The following LRRD1 variants were observed in gnomAD, a reference collection of about 807,000 sequenced individuals.
The protein encoded by LRRD1 is leucine-rich repeat and death domain-containing protein 1.
Under a neutral mutation model 69.5 loss-of-function variants are expected in LRRD1, and 49 were observed. The observed-to-expected ratio is 0.70, with a 90% CI of 0.56 to 0.89. LRRD1 has a LOEUF of 0.89. Ranked by LOEUF, LRRD1 falls within the 40% of genes least tolerant of loss-of-function variation. LRRD1 has a pLI of 0.00. For synonymous variants in LRRD1, 303 were observed against 338.9 expected (o/e 0.89, Z 1.16); for missense variants, 853 against 956.0 (o/e 0.89, Z 1.42).
chr7:92,170,805 C>A (rs1789041656), intron 1 of LRRD1, among the ~76,000 whole-genome samples: 1 of 152,126 alleles, frequency 6.6e-6, no homozygotes, highest in Admixed American at 6.5e-5. Context: ...GGACACAAAA[C>A]TGGTCTCAAC....
chr7:92,142,964 C>T (rs911577609), downstream of LRRD1: 1 of 257,810 alleles, frequency 3.9e-6, no homozygotes, highest in South Asian at 3.9e-5. Context: ...CCACTGCTGG[C>T]TCAGGCAGCC....
chr7:92,166,008 A>G (rs559984495), intron 1 of LRRD1, among the ~76,000 whole-genome samples: 17 of 152,268 alleles, frequency 1.1e-4, no homozygotes, highest in African/African-American at 3.6e-4. Flanking sequence ...CATTATGACA[A>G]TTTTCCTGGG....
intron 3 of LRRD1, among the ~76,000 whole-genome samples, chr7:92,155,460 T>C (rs1484746514): frequency 6.6e-6 from 1 of 152,102 alleles, no homozygotes; most frequent in Admixed American, 6.6e-5. Context: ...AGTAAAACCA[T>C]GGAAGTGAAA....
At chr7:92,156,276 G>A (rs994271641) in intron 3 of LRRD1, among the ~76,000 whole-genome samples, 1 of 152,120 alleles carries the variant, frequency 6.6e-6, no homozygotes, top group South Asian at 2.1e-4. Flanking sequence ...CTTCAAAATT[G>A]TTTCAGCTAT....
chr7:92,147,951 CTG>C (rs1349818153), intron 4 of LRRD1, among the ~76,000 whole-genome samples: 7 of 152,242 alleles, frequency 4.6e-5, no homozygotes, highest in African/African-American at 1.7e-4. Context: ...GAGTCTGGCT[CTG>C]TCACCCAGGC....
intron 2 of LRRD1, among the ~76,000 whole-genome samples, chr7:92,162,095 G>T (rs1164728807): frequency 6.6e-6 from 1 of 152,194 alleles, no homozygotes; most frequent in African/African-American, 2.4e-5. Context: ...AAAATTGTCT[G>T]TTAGTGCAAA....
intron 1 of LRRD1, among the ~76,000 whole-genome samples, chr7:92,177,269 T>C (rs1789218320): frequency 6.6e-6 from 1 of 152,066 alleles, no homozygotes; most frequent in Non-Finnish European, 1.5e-5. Flanking sequence ...GTTTCAAGGT[T>C]ATACTACCAT....
chr7:92,149,721 T>A (rs1382003371), intron 4 of LRRD1, among the ~76,000 whole-genome samples: 1 of 152,158 alleles, frequency 6.6e-6, no homozygotes. Context: ...ATTTATTTAT[T>A]TATCTTTAAA....
Position 92,163,429 on chromosome 7 carries a change from G to A in LRRD1, c.1774C>T (p.Gln592Ter), listed in dbSNP as rs1788830391. The change falls in exon 2 of 6, where the codon CAG becomes TAG. Residue 592 changes from glutamine (Q) to a stop codon, truncating the protein, a stop_gained. Coordinates refer to ENST00000458448, the MANE Select transcript of LRRD1 (RefSeq NM_001161528.2). LOFTEE classifies it high-confidence loss of function. ...TTACAGATGTCTGAAGAGATTTTCT[G>A]TAATTGGTTTTCCGAAAGATCAAGT... ...QVLDLSENQL[Q>*]KISSDICNLK... 6.5e-7 allele frequency: 1 copy of A among 1,546,224 alleles called. No homozygotes were observed.
At position 92,161,659 on chromosome 7, in the gene LRRD1, G is replaced by A. The variant is rs143447073; in HGVS notation, c.1917+1627C>T. Among the ~76,000 whole-genome samples, 291 of 152,310 alleles carry A rather than the reference G, an allele frequency of 1.9e-3. 3 individuals are homozygous for A. The highest frequency in any genetic ancestry group is 6.4e-3 in the African/African-American group (268 of 41,570). On this transcript the variant is annotated intron_variant, in intron 2 of 5. Coordinates refer to ENST00000458448, the MANE Select transcript of LRRD1 (RefSeq NM_001161528.2). ...AAATAATACAATTTTGGTGTAAGAT[G>A]AGGTATAACTGATGATGGAAAAGGA...
Position 92,165,239 on chromosome 7 carries a change from G to T in LRRD1, c.-37C>A. The T allele has an allele frequency of 1.7e-6, 2 of 1,197,758 alleles. No individual in the cohort carries two copies. The highest frequency in any genetic ancestry group is 2.2e-6 in the Non-Finnish European group (2 of 913,614). 74.2% of individuals were successfully genotyped at this position (1,197,758 alleles called of 1,614,324 possible). The stretch of plus-strand genomic sequence containing the variant: ...ATATGTTTTATGCCAATACAAAATT[G>T]TAACTTGATTTTAATTTTCATGTTT... On this transcript the variant is annotated 5_prime_UTR_variant, in exon 2 of 6. Transcript: ENST00000458448.
intron 3 of LRRD1, among the ~76,000 whole-genome samples, chr7:92,157,672 C>T (rs1448107527): frequency 2.0e-5 from 3 of 151,888 alleles, no homozygotes; most frequent in Non-Finnish European, 2.9e-5. Context: ...TGGGTCTAAG[C>T]GATTCTCCTG....
At chr7:92,145,539 A>G (rs970611675) in intron 5 of LRRD1, among the ~76,000 whole-genome samples, 1 of 146,906 alleles carries the variant, frequency 6.8e-6, no homozygotes, top group Admixed American at 7.1e-5. Flanking sequence ...TCCCGGGTTC[A>G]CGCCATTCTC....
chr7:92,167,862 G>GCGAGACTC (rs1788945856), intron 1 of LRRD1, among the ~76,000 whole-genome samples: 1 of 95,012 alleles, frequency 1.1e-5, no homozygotes, highest in East Asian at 3.0e-4. Flanking sequence ...GGGCAACACA[G>GCGAGACTC]CGAGACTCTG....
At position 92,146,133 on chromosome 7, in the gene LRRD1, T is replaced by C. The variant is rs916319341; in HGVS notation, c.2346A>G (p.Leu782=). Residue 782 remains leucine, a synonymous_variant, in exon 5 of 6, where the codon TTA becomes TTG. Transcript: ENST00000458448. Reference sequence around the variant, plus strand: ...AGTTTGCCAGGTTTAGTTTTTGACATAAAAATTCAAAATTGGTTTCAGTGA... The same window carrying C: ...AGTTTGCCAGGTTTAGTTTTTGACACAAAAATTCAAAATTGGTTTCAGTGA... ...NNITETNFEF[L]CQKLNLANSE... 6 of 1,543,298 alleles carry C rather than the reference T, an allele frequency of 3.9e-6. No individual in the cohort carries two copies. Among genetic ancestry groups the C allele is most frequent in the Middle Eastern group, 1.7e-4 (1 of 5,954 alleles).
intron 1 of LRRD1, among the ~76,000 whole-genome samples, chr7:92,174,507 A>T (rs1200868631): frequency 0.056 from 927 of 16,476 alleles, 39 homozygotes; most frequent in African/African-American, 0.12. Flanking sequence ...ATATATATAT[A>T]TATTTTTTTT....
At chr7:92,151,864 G>C (rs977243521) in intron 3 of LRRD1, among the ~76,000 whole-genome samples, 1 of 151,362 alleles carries the variant, frequency 6.6e-6, no homozygotes, top group Non-Finnish European at 1.5e-5. Context: ...CAGGAGAATT[G>C]CATGAACCCG....
At chr7:92,171,225 A>T (rs1789050672) in intron 1 of LRRD1, among the ~76,000 whole-genome samples, 1 of 152,108 alleles carries the variant, frequency 6.6e-6, no homozygotes, top group African/African-American at 2.4e-5. Flanking sequence ...ACTAAAAAAG[A>T]ATACAGAAAA....
chr7:92,150,620 G>A lies in LRRD1; in HGVS notation c.2192C>T (p.Pro731Leu). 6.4e-7 allele frequency: 1 copy of A among 1,551,156 alleles called. No individual in the cohort carries two copies. The highest frequency in any genetic ancestry group is 1.4e-5 in the African/African-American group (1 of 73,124). Residue 731 changes from proline (P) to leucine (L), a missense_variant, in exon 4 of 6, where the codon CCT becomes CTT. This residue lies in a region of LRRD1 where 739 missense variants were observed against 808.0 expected (regional missense o/e 0.91). Transcript: ENST00000458448. ...SLKEINFDDNPLLRPPVEICK... is the reference protein window; with the variant it reads ...SLKEINFDDNLLLRPPVEICK... ...GATTTCCACTGGAGGTCTCAGCAAA[G>A]GGTTGTCATCAAAATTTATCTCCTT...
Sources: gnomAD v4.1 joint callset for allele counts (sites outside exome capture counted in the v4.1 genomes callset) on GRCh38, gnomAD v4.1.1 for gene constraint, gnomAD v4.1.1 regional missense constraint, MANE v1.5 for transcripts, NCBI Gene and HGNC (gene_info 2026-07-23, HGNC 2026-07-21) for gene names.